The following RBFOX3 variants were observed in gnomAD, a reference collection of about 807,000 sequenced individuals.
The protein encoded by RBFOX3 is RNA binding fox-1 homolog 3.
In RBFOX3, 17 loss-of-function variants were observed where a neutral mutation model predicts 48.7. That is an observed-to-expected ratio of 0.35 (90% CI 0.24 to 0.52). The LOEUF (loss-of-function observed/expected upper bound fraction) is 0.52, where lower values mean the gene tolerates loss of function less well. Ranked by LOEUF, RBFOX3 falls within the 20% of genes least tolerant of loss-of-function variation. RBFOX3 has a pLI of 0.94. For synonymous variants in RBFOX3, 212 were observed against 209.5 expected (o/e 1.01, Z -0.10); for missense variants, 382 against 497.5 (o/e 0.77, Z 2.21).
chr17:79,344,586 A>C (rs192908041), intron 2 of RBFOX3, among the ~76,000 whole-genome samples: 1 of 149,226 alleles, frequency 6.7e-6, no homozygotes, highest in Admixed American at 6.7e-5. Context: ...ACGGAGTCTC[A>C]CTCCATTGCC....
intron 4 of RBFOX3, among the ~76,000 whole-genome samples, chr17:79,157,232 C>G (rs752033784): frequency 6.6e-6 from 1 of 152,204 alleles, no homozygotes. Context: ...TGTCCTCACG[C>G]TCCCTCTGCT....
chr17:79,312,258 G>A (rs1212500756), intron 2 of RBFOX3, among the ~76,000 whole-genome samples: 1 of 148,522 alleles, frequency 6.7e-6, no homozygotes, highest in East Asian at 2.0e-4. Flanking sequence ...GAGCAGGCAG[G>A]GGAGAGACAA....
chr17:79,237,576 C>T (rs530026964), intron 3 of RBFOX3, among the ~76,000 whole-genome samples: 6 of 152,334 alleles, frequency 3.9e-5, no homozygotes, highest in East Asian at 3.9e-4. Flanking sequence ...CCACAGAACA[C>T]CAAAATGCAC....
intron 2 of RBFOX3, among the ~76,000 whole-genome samples, chr17:79,417,792 T>A (rs1555719927): frequency 6.6e-6 from 1 of 152,160 alleles, no homozygotes; most frequent in Non-Finnish European, 1.5e-5. Flanking sequence ...GCAGCATCAC[T>A]CTCAATAGCC....
chr17:79,500,758 TC>T (rs1191977612), intron 1 of RBFOX3, among the ~76,000 whole-genome samples: 2 of 152,178 alleles, frequency 1.3e-5, no homozygotes, highest in Non-Finnish European at 2.9e-5. Flanking sequence ...AGCCTCAACT[TC>T]CCTGCCTGCA....
chr17:79,334,121 T>A (rs1382426815), intron 2 of RBFOX3, among the ~76,000 whole-genome samples: 1 of 152,138 alleles, frequency 6.6e-6, no homozygotes, highest in African/African-American at 2.4e-5. Context: ...TTCCATCACC[T>A]CTTCCTGTTT....
chr17:79,176,604 TACAC>T (rs1459394173), intron 4 of RBFOX3, among the ~76,000 whole-genome samples: 3 of 152,206 alleles, frequency 2.0e-5, no homozygotes, highest in Non-Finnish European at 4.4e-5. Flanking sequence ...ATTTGCAAGA[TACAC>T]ACAGCCCCCG....
intron 5 of RBFOX3, 64 bp from the exon 6 acceptor site, chr17:79,106,852 T>A: frequency 3.4e-6 from 5 of 1,459,698 alleles, no homozygotes; most frequent in Non-Finnish European, 4.5e-6. Context: ...TCCCCTCTGC[T>A]AAAGGGTCGG....
intron 2 of RBFOX3, among the ~76,000 whole-genome samples, chr17:79,328,138 C>T (rs778392251): frequency 9.2e-5 from 14 of 152,284 alleles, no homozygotes; most frequent in South Asian, 2.1e-4. Context: ...GGGCAGAGCC[C>T]GTGGGTGCAA....
At position 79,254,117 on chromosome 17, in the gene RBFOX3, G is replaced by A. The variant is rs1411240684; in HGVS notation, c.-73-18312C>T. The stretch of plus-strand genomic sequence containing the variant: ...GCAATGCCCAGGTCCTGGGCAGGGA[G>A]GCAAGTTCACCACTGCATCGCTAGC... On this transcript the variant is annotated intron_variant, in intron 3 of 14. Coordinates refer to ENST00000693108, the MANE Select transcript of RBFOX3 (RefSeq NM_001350451.2). The surrounding 1 kb of genome is among the most constrained non-coding windows in gnomAD (Gnocchi z 4.8). 6.6e-6 allele frequency among the ~76,000 whole-genome samples: 1 copy of A among 152,206 alleles called. No individual in the cohort carries two copies. Among genetic ancestry groups the A allele is most frequent in the East Asian group, 1.9e-4 (1 of 5,174 alleles).
chr17:79,277,968 AG>A (rs1171895010), intron 3 of RBFOX3, among the ~76,000 whole-genome samples: 8 of 152,196 alleles, frequency 5.3e-5, no homozygotes, highest in African/African-American at 1.9e-4. Flanking sequence ...TACAGGCAGG[AG>A]GGCAGGGGCA....
chr17:79,393,414 G>T (rs1449414267), intron 2 of RBFOX3, among the ~76,000 whole-genome samples: 1 of 152,254 alleles, frequency 6.6e-6, no homozygotes, highest in Non-Finnish European at 1.5e-5. Flanking sequence ...CCCGGCCAGT[G>T]AGCAGCCGCA....
intron 2 of RBFOX3, among the ~76,000 whole-genome samples, chr17:79,368,743 G>A (rs981586402): frequency 1.3e-5 from 2 of 152,172 alleles, no homozygotes; most frequent in Admixed American, 6.5e-5. Flanking sequence ...CCAGACACAC[G>A]GGTGTCCGGG....
At position 79,445,847 on chromosome 17, in the gene RBFOX3, G is replaced by A. The variant is rs575273122; in HGVS notation, c.-175+36607C>T. ...TTGGCCTTGGGAAGGTTTTGCAGAG[G>A]GCAGGGGCTCTCTGAGTCTGACTGG... On this transcript the variant is annotated intron_variant, in intron 2 of 14. Coordinates refer to ENST00000693108, the MANE Select transcript of RBFOX3 (RefSeq NM_001350451.2). Among the ~76,000 whole-genome samples, 7 of 152,308 alleles carry A rather than the reference G, an allele frequency of 4.6e-5. No homozygotes were observed. In the East Asian group the frequency reaches 1.4e-3, roughly 29 times the overall value.
At position 79,473,708 on chromosome 17, in the gene RBFOX3, C is replaced by T. The variant is rs1332417945; in HGVS notation, c.-175+8746G>A. ...TAATTCCAGCCATTACTCAGCAATG[C>T]TCAGCAATGCAAGGTCACTCAGAAA... On this transcript the variant is annotated intron_variant, in intron 2 of 14. Transcript: ENST00000693108. The surrounding 1 kb of genome is among the most constrained non-coding windows in gnomAD (Gnocchi z 4.2). 1.3e-5 allele frequency among the ~76,000 whole-genome samples: 2 copies of T among 152,212 alleles called. No homozygotes were observed. Among genetic ancestry groups the T allele is most frequent in the African/African-American group, 4.8e-5 (2 of 41,456 alleles).
Position 79,252,953 on chromosome 17 carries a change from C to T in RBFOX3, c.-73-17148G>A, listed in dbSNP as rs1033650979. Among the ~76,000 whole-genome samples the T allele has an allele frequency of 3.9e-5, 6 of 152,050 alleles. No homozygotes were observed. The highest frequency in any genetic ancestry group is 2.6e-4 in the Admixed American group (4 of 15,258). ...CCCCTAAACCCGCAGCCTTCTTTGC[C>T]GTCTACACTCAGCAAAGTCAAGTCC... On this transcript the variant is annotated intron_variant, in intron 3 of 14. Coordinates refer to ENST00000693108, the MANE Select transcript of RBFOX3 (RefSeq NM_001350451.2). The surrounding 1 kb of genome is among the most constrained non-coding windows in gnomAD (Gnocchi z 4.0).
At chr17:79,470,367 C>T (rs1281782171) in intron 2 of RBFOX3, among the ~76,000 whole-genome samples, 4 of 152,142 alleles carry the variant, frequency 2.6e-5, no homozygotes, top group African/African-American at 4.8e-5. Context: ...GACAGGCTGG[C>T]GGGTGGGCTA....
chr17:79,275,529 C>G (rs1993681), intron 3 of RBFOX3, among the ~76,000 whole-genome samples: 53,743 of 152,032 alleles, frequency 0.35, 9,866 homozygotes, highest in African/African-American at 0.43. Flanking sequence ...GGGTGCAGAC[C>G]GCACGCTCAC....
intron 2 of RBFOX3, among the ~76,000 whole-genome samples, chr17:79,360,558 A>C (rs1364346826): frequency 6.6e-6 from 1 of 152,238 alleles, no homozygotes; most frequent in Non-Finnish European, 1.5e-5. Flanking sequence ...ATCGGAGACG[A>C]TGAAATGGGA....
Sources: allele counts gnomAD v4.1 joint callset (sites outside exome capture counted in the v4.1 genomes callset), GRCh38; gene constraint gnomAD v4.1.1; non-coding constraint Gnocchi (gnomAD v3.1); transcripts MANE v1.5; gene names NCBI Gene and HGNC (gene_info 2026-07-23, HGNC 2026-07-21).